ETV6: variants seen among roughly 807,000 people sequenced by gnomAD.
The protein encoded by ETV6 is ETS variant transcription factor 6, also known as transcription factor ETV6.
ETV6 carries 16 observed loss-of-function variants against 51.1 expected under a neutral mutation model. That is an observed-to-expected ratio of 0.31 (90% confidence interval 0.21 to 0.48). The LOEUF is 0.48. Among genes scored for constraint, ETV6 ranks in the 20% least tolerant of loss-of-function variants. The pLI is 0.99. For synonymous variants in ETV6, 240 were observed against 224.1 expected (o/e 1.07, Z -0.64); for missense variants, 458 against 594.8 (o/e 0.77, Z 2.39).
chr12:11,717,867 C>T (rs967317404), intron 1 of ETV6, among the ~76,000 whole-genome samples: 1 of 152,140 alleles, frequency 6.6e-6, no homozygotes, highest in Non-Finnish European at 1.5e-5. Context: ...TCCAACTACT[C>T]GCTGCAACAA....
intron 1 of ETV6, among the ~76,000 whole-genome samples, chr12:11,703,922 C>T (rs1865028323): frequency 6.6e-6 from 1 of 151,692 alleles, no homozygotes; most frequent in African/African-American, 2.4e-5. Flanking sequence ...AGAGTCAACA[C>T]CTAAAATAAA....
intron 2 of ETV6, among the ~76,000 whole-genome samples, chr12:11,796,737 A>T (rs2136395746): frequency 6.6e-6 from 1 of 151,200 alleles, no homozygotes; most frequent in Admixed American, 6.6e-5. Flanking sequence ...AAGACATTGA[A>T]TAGCACTAAG....
At chr12:11,882,348 C>T (rs11054481) in intron 5 of ETV6, among the ~76,000 whole-genome samples, 13 of 152,050 alleles carry the variant, frequency 8.5e-5, no homozygotes, top group Admixed American at 7.9e-4. Flanking sequence ...TATAAACATA[C>T]ACCCATTAAC....
intron 1 of ETV6, among the ~76,000 whole-genome samples, chr12:11,650,503 CA>C (rs1393080284): frequency 0.09 from 10,792 of 120,030 alleles, 1,077 homozygotes; most frequent in African/African-American, 0.21. Context: ...AAACAAAAAA[CA>C]AAAAAAAAAA....
chr12:11,883,792 T>A (rs993759456), intron 5 of ETV6, among the ~76,000 whole-genome samples: 5 of 152,212 alleles, frequency 3.3e-5, no homozygotes, highest in South Asian at 2.1e-4. Context: ...AAACATTTTT[T>A]AAAGACCTCC....
chr12:11,650,160 G>A lies in ETV6; in HGVS notation c.33G>A (p.Lys11=), dbSNP rs547638904. 1 of 1,613,324 alleles carries A rather than the reference G, an allele frequency of 6.2e-7. No individual in the cohort carries two copies. Among genetic ancestry groups the A allele is most frequent in the Non-Finnish European group, 8.5e-7 (1 of 1,179,434 alleles). MSETPAQCSI[K]QERISYTPPE... ...AGACTCCTGCTCAGTGTAGCATTAA[G>A]GTAAAAATCTTCTCCCCTCCTTCTA... Residue 11 remains lysine, a splice_region_variant and synonymous_variant, in exon 1 of 8, where the codon AAG becomes AAA. Transcript: ENST00000396373.
intron 1 of ETV6, among the ~76,000 whole-genome samples, chr12:11,652,596 A>G (rs1863926720): frequency 6.6e-6 from 1 of 152,176 alleles, no homozygotes; most frequent in Admixed American, 6.5e-5. Flanking sequence ...GGTTTTTCCC[A>G]GTCCTCCTCT....
intron 1 of ETV6, among the ~76,000 whole-genome samples, chr12:11,730,521 C>A (rs1466061943): frequency 1.3e-5 from 2 of 152,190 alleles, no homozygotes; most frequent in African/African-American, 4.8e-5. Context: ...GTTCTAAGGA[C>A]GGGTTGTCCA....
At chr12:11,756,385 T>A (rs1277269995) in intron 2 of ETV6, among the ~76,000 whole-genome samples, 1 of 152,212 alleles carries the variant, frequency 6.6e-6, no homozygotes, top group Non-Finnish European at 1.5e-5. Context: ...GCATCATTTT[T>A]TCTTCTTCTT....
rs544765809 is a variant in ETV6, at chr12:11,688,513, C to T, written c.33+38353C>T. On this transcript the variant is annotated intron_variant, in intron 1 of 7. Transcript: ENST00000396373. Reference sequence around the variant, plus strand: ...TATCTACAAAATCTTAGCTATCAGGCAAAACCTCACTGTCCCACTGGTGAT... The same window carrying T: ...TATCTACAAAATCTTAGCTATCAGGTAAAACCTCACTGTCCCACTGGTGAT... Among the ~76,000 whole-genome samples the T allele has an allele frequency of 6.6e-5, 10 of 152,302 alleles. No individual in the cohort carries two copies. In the East Asian group the frequency reaches 1.9e-3, roughly 29 times the overall value.
At chr12:11,780,636 C>T (rs1169707126) in intron 2 of ETV6, among the ~76,000 whole-genome samples, 1 of 152,162 alleles carries the variant, frequency 6.6e-6, no homozygotes, top group Non-Finnish European at 1.5e-5. Flanking sequence ...GAGACTAGCA[C>T]CTCTGCCATA....
chr12:11,880,210 A>G (rs1947068317), intron 5 of ETV6, among the ~76,000 whole-genome samples: 1 of 152,232 alleles, frequency 6.6e-6, no homozygotes, highest in African/African-American at 2.4e-5. Context: ...TGTCTCCGTT[A>G]GTGACTAATT....
chr12:11,869,559 C>A lies in ETV6; in HGVS notation c.599C>A (p.Pro200His), dbSNP rs1946845775. ...HRPSPDPEQR[P>H]LRSPLDNMIR... ...CCTTCTCCTGACCCCGAGCAGCGGC[C>A]CCTCCGGTCCCCCCTGGACAACATG... Residue 200 changes from proline (P) to histidine (H), a missense_variant, in exon 5 of 8, where the codon CCC becomes CAC. Pro to His is a moderately conservative substitution (Grantham distance 77). Around this residue, in one of 4 missense-constraint regions of ETV6, gnomAD observed 293 missense variants for 315.7 expected, o/e 0.93. Coordinates refer to ENST00000396373, the MANE Select transcript of ETV6 (RefSeq NM_001987.5). The surrounding 1 kb of genome is among the most constrained non-coding windows in gnomAD (Gnocchi z 5.0). The A allele has an allele frequency of 6.2e-7, 1 of 1,614,060 alleles. No homozygotes were observed. Among genetic ancestry groups the A allele is most frequent in the Admixed American group, 1.7e-5 (1 of 60,004 alleles).
intron 2 of ETV6, among the ~76,000 whole-genome samples, chr12:11,767,797 A>C (rs1332034746): frequency 6.6e-6 from 1 of 152,240 alleles, no homozygotes; most frequent in Non-Finnish European, 1.5e-5. Context: ...CTGATGAAGA[A>C]GATTGCATGA....
chr12:11,777,072 G>A (rs1945337357), intron 2 of ETV6, among the ~76,000 whole-genome samples: 1 of 151,922 alleles, frequency 6.6e-6, no homozygotes, highest in Non-Finnish European at 1.5e-5. Context: ...CCCCGTCTCT[G>A]CTAAAAATAT....
At chr12:11,839,544 C>T (rs1187048261) in intron 3 of ETV6, among the ~76,000 whole-genome samples, 1 of 152,142 alleles carries the variant, frequency 6.6e-6, no homozygotes, top group Admixed American at 6.6e-5. Flanking sequence ...CCAGTTTAGT[C>T]CTACGTACAC....
chr12:11,669,437 C>T lies in ETV6; in HGVS notation c.33+19277C>T, dbSNP rs555075841. Among the ~76,000 whole-genome samples, 7 of 138,888 alleles carry T rather than the reference C, an allele frequency of 5.0e-5. No individual in the cohort carries two copies. In the South Asian group the frequency reaches 9.9e-4, roughly 20 times the overall value. The allele number at this position is 138,888 out of a possible 152,430, so 91.1% of individuals were successfully genotyped here. On this transcript the variant is annotated intron_variant, in intron 1 of 7. Coordinates refer to ENST00000396373, the MANE Select transcript of ETV6 (RefSeq NM_001987.5). The stretch of plus-strand genomic sequence containing the variant: ...TTCCTCCTTCCTTTCTTCCTTTCTT[C>T]CCTTTCTTTTCTCTCTTTTCTTTCT...
chr12:11,788,897 G>T (rs1486898684), intron 2 of ETV6, among the ~76,000 whole-genome samples: 1 of 151,264 alleles, frequency 6.6e-6, no homozygotes, highest in African/African-American at 2.4e-5. Flanking sequence ...GAACAATTTA[G>T]TGTTTACATA....
intron 1 of ETV6, among the ~76,000 whole-genome samples, chr12:11,694,862 G>C (rs1175321510): frequency 6.6e-6 from 1 of 152,178 alleles, no homozygotes; most frequent in Non-Finnish European, 1.5e-5. Flanking sequence ...AGCTAGGAGA[G>C]AATTTGGTTC....
Sources: allele counts gnomAD v4.1 joint callset (sites outside exome capture counted in the v4.1 genomes callset), GRCh38; gene constraint gnomAD v4.1.1; regional missense constraint gnomAD v4.1.1; non-coding constraint Gnocchi (gnomAD v3.1); transcripts MANE v1.5; gene names NCBI Gene and HGNC (gene_info 2026-07-23, HGNC 2026-07-21).